The following ESRP1 variants were observed in gnomAD, a reference collection of about 807,000 sequenced individuals.
The protein encoded by ESRP1 is RNA-binding motif protein 35A.
Under a neutral mutation model 81.7 loss-of-function variants are expected in ESRP1, and 33 were observed. That is an observed-to-expected ratio of 0.40 (90% CI 0.31 to 0.54). ESRP1 has a LOEUF of 0.54. Among genes scored for constraint, ESRP1 ranks in the 20% least tolerant of loss-of-function variants. The pLI is 0.41. For synonymous variants in ESRP1, 320 were observed against 303.3 expected (o/e 1.06, Z -0.57); for missense variants, 672 against 833.1 (o/e 0.81, Z 2.38).
rs369799065 is a variant in ESRP1, at chr8:94,658,176, GTGCTGGGATTACAGGCGTGAGCCAC to G, written c.491-4095_491-4071del. 4.8e-3 allele frequency among the ~76,000 whole-genome samples: 728 copies of G among 152,292 alleles called. 5 individuals carry two copies. The highest frequency in any genetic ancestry group is 0.017 in the African/African-American group (687 of 41,548). The stretch of plus-strand genomic sequence containing the variant: ...GATCCACCCACCTCGGCCTCCCAAA[GTGCTGGGATTACAGGCGTGAGCCAC>G]CATGCCTAGCCTCACTAAATCTTAG... On this transcript the variant is annotated intron_variant, in intron 4 of 15. Coordinates refer to ENST00000433389, the MANE Select transcript of ESRP1 (RefSeq NM_017697.4).
At chr8:94,654,285 C>T (rs1818295104) in intron 4 of ESRP1, among the ~76,000 whole-genome samples, 1 of 151,994 alleles carries the variant, frequency 6.6e-6, no homozygotes, top group Admixed American at 6.6e-5. Flanking sequence ...ACCATTTTAC[C>T]CTAGCCTGGG....
intron 15 of ESRP1, among the ~76,000 whole-genome samples, chr8:94,699,479 G>A (rs1010230752): frequency 2.0e-5 from 3 of 151,380 alleles, no homozygotes; most frequent in Non-Finnish European, 3.0e-5. Context: ...CTGTCACTAC[G>A]AAAAAAAATA....
rs771394556 is a variant in ESRP1 at position 94,643,424 on chromosome 8, T to G, written c.375+8T>G. The G allele has an allele frequency of 6.3e-7, 1 of 1,594,956 alleles. No homozygotes were observed. The highest frequency in any genetic ancestry group is 1.1e-5 in the South Asian group (1 of 90,430). On this transcript the variant is annotated splice_region_variant and intron_variant, in intron 3 of 15. Coordinates refer to ENST00000433389, the MANE Select transcript of ESRP1 (RefSeq NM_017697.4). ...CCTGAGGCTTCCAAGAAGGTAAGAG[T>G]GCTGGCTTCTGGGAAAAAAATGGTT... is the stretch of plus-strand genomic sequence containing the variant.
intron 13 of ESRP1, 77 bp downstream of exon 13, chr8:94,678,448 A>G: frequency 6.6e-7 from 1 of 1,509,234 alleles, no homozygotes; most frequent in South Asian, 1.3e-5. Flanking sequence ...AGCTCACAAA[A>G]GAATATTGTC....
At chr8:94,703,760 C>T (rs1210420230) in intron 15 of ESRP1, among the ~76,000 whole-genome samples, 1 of 152,168 alleles carries the variant, frequency 6.6e-6, no homozygotes, top group Non-Finnish European at 1.5e-5. Flanking sequence ...GGCTTACGTT[C>T]ATCCTAAAAC....
At chr8:94,658,991 C>A (rs1156240329) in intron 4 of ESRP1, among the ~76,000 whole-genome samples, 1 of 151,962 alleles carries the variant, frequency 6.6e-6, no homozygotes, top group South Asian at 2.1e-4. Context: ...GTGTACTTTT[C>A]GACCTCCCAG....
intron 4 of ESRP1, among the ~76,000 whole-genome samples, chr8:94,656,511 A>G (rs529382795): frequency 1.1e-4 from 16 of 152,318 alleles, no homozygotes; most frequent in East Asian, 5.8e-4. Flanking sequence ...GTGAGCCACC[A>G]CGCCCGGCCC....
At chr8:94,685,116 G>C (rs1809086870) in intron 13 of ESRP1, among the ~76,000 whole-genome samples, 1 of 151,600 alleles carries the variant, frequency 6.6e-6, no homozygotes, top group South Asian at 2.1e-4. Context: ...CTTTATTTTA[G>C]AAATCACCTG....
At chr8:94,668,696 GT>G (rs1434387164) in intron 10 of ESRP1, among the ~76,000 whole-genome samples, 1 of 151,960 alleles carries the variant, frequency 6.6e-6, no homozygotes, top group Non-Finnish European at 1.5e-5. Flanking sequence ...AGCTTTTAAG[GT>G]TTTTAATGTG....
chr8:94,641,993 A>G lies in ESRP1; in HGVS notation c.170A>G (p.Gln57Arg). ...QLHEVLVRPD[Q>R]LELTEDCKEE... Reference sequence around the variant, plus strand: ...CACGAAGTGCTAGTTAGACCGGATCAGTTGGAACTGACGGAGGACTGCAAA... The same window carrying G: ...CACGAAGTGCTAGTTAGACCGGATCGGTTGGAACTGACGGAGGACTGCAAA... The change falls in exon 2 of 16, where the codon CAG (glutamine) becomes CGG (arginine). Residue 57 changes from glutamine to arginine, a missense_variant. Coordinates refer to ENST00000433389, the MANE Select transcript of ESRP1 (RefSeq NM_017697.4). The G allele has an allele frequency of 6.2e-7, 1 of 1,614,038 alleles. No individual in the cohort carries two copies. The highest frequency in any genetic ancestry group is 1.1e-5 in the South Asian group (1 of 91,088).
chr8:94,704,466 CTT>C (rs1215735946), intron 15 of ESRP1, among the ~76,000 whole-genome samples: 1 of 151,834 alleles, frequency 6.6e-6, no homozygotes, highest in African/African-American at 2.4e-5. Flanking sequence ...ATATATATCT[CTT>C]TTATTTAGCC....
chr8:94,671,402 A>G, intron 10 of ESRP1, 51 bp from the exon 11 acceptor site: 1 of 1,502,798 alleles, frequency 6.7e-7, no homozygotes, highest in South Asian at 1.3e-5. Flanking sequence ...ATCTGCAGAA[A>G]GCAGGGGAGT....
At chr8:94,694,792 G>T (rs1287138745) in intron 14 of ESRP1, among the ~76,000 whole-genome samples, 1 of 152,182 alleles carries the variant, frequency 6.6e-6, no homozygotes, top group Admixed American at 6.5e-5. Flanking sequence ...GAGTTGTCTA[G>T]TATAACCAGA....
At chr8:94,645,496 G>A (rs1817803021) in intron 3 of ESRP1, among the ~76,000 whole-genome samples, 1 of 151,956 alleles carries the variant, frequency 6.6e-6, no homozygotes, top group Non-Finnish European at 1.5e-5. Context: ...TCGTAGCCAC[G>A]GTAGTGGTCC....
rs1309136519 is a variant in ESRP1 at position 94,686,855 on chromosome 8, T to C, written c.1821-5822T>C. Among the ~76,000 whole-genome samples, 3 of 152,198 alleles carry C rather than the reference T, an allele frequency of 2.0e-5. No homozygotes were observed. The East Asian group carries it at 5.8e-4, about 29-fold the overall frequency. On this transcript the variant is annotated intron_variant, in intron 13 of 15. Transcript: ENST00000433389. ...ATAGCTCTTTTTTAAGAACTTTTTA[T>C]TCTTATTTGGCGTGCAATTAGAAAA...
chr8:94,645,107 T>G (rs1014958945), intron 3 of ESRP1, among the ~76,000 whole-genome samples: 3 of 152,156 alleles, frequency 2.0e-5, no homozygotes, highest in Non-Finnish European at 2.9e-5. Context: ...AATGAGCATT[T>G]TTGTAGGTAA....
intron 9 of ESRP1, among the ~76,000 whole-genome samples, chr8:94,666,199 A>T (rs1447103722): frequency 6.6e-6 from 1 of 152,234 alleles, no homozygotes; most frequent in Non-Finnish European, 1.5e-5. Flanking sequence ...ATTGCTACAT[A>T]GTATTATATG....
intron 4 of ESRP1, among the ~76,000 whole-genome samples, chr8:94,647,151 T>G (rs1817894448): frequency 6.6e-6 from 1 of 152,226 alleles, no homozygotes; most frequent in African/African-American, 2.4e-5. Flanking sequence ...TTTTCCTGAT[T>G]GAAGTTTGCT....
intron 15 of ESRP1, among the ~76,000 whole-genome samples, chr8:94,697,570 A>G (rs749946869): frequency 9.9e-5 from 15 of 152,218 alleles, no homozygotes; most frequent in Non-Finnish European, 1.3e-4. Flanking sequence ...ATTTCATTGC[A>G]TGGACATACG....
Sources: gnomAD v4.1 joint callset for allele counts (sites outside exome capture counted in the v4.1 genomes callset) on GRCh38, gnomAD v4.1.1 for gene constraint, MANE v1.5 for transcripts, NCBI Gene and HGNC (gene_info 2026-07-23, HGNC 2026-07-21) for gene names.